GNPNAT1: variants seen among roughly 807,000 people sequenced by gnomAD.
GNPNAT1 encodes glucosamine 6-phosphate N-acetyltransferase.
Under a neutral mutation model 19.8 loss-of-function variants are expected in GNPNAT1, and 11 were observed. That is an observed-to-expected ratio of 0.56 (90% CI 0.35 to 0.92). GNPNAT1 has a LOEUF of 0.92. Among genes scored for constraint, GNPNAT1 ranks in the 40% least tolerant of loss-of-function variants. GNPNAT1 has a pLI of 0.01. For missense variants in GNPNAT1, 157 were observed against 211.0 expected (o/e 0.74, Z 1.59); for synonymous variants, 71 against 72.3 (o/e 0.98, Z 0.09).
intron 1 of GNPNAT1, among the ~76,000 whole-genome samples, chr14:52,786,379 C>G (rs146573910): frequency 0.011 from 1,629 of 151,984 alleles, 23 homozygotes; most frequent in African/African-American, 0.038. Context: ...TGGTGGCCAC[C>G]TGTAATCCCA....
At chr14:52,779,742 A>AAC (rs903790473) in intron 5 of GNPNAT1, among the ~76,000 whole-genome samples, 5 of 150,846 alleles carry the variant, frequency 3.3e-5, no homozygotes, top group African/African-American at 7.3e-5. Context: ...AAAAAAAAAA[A>AAC]AAAAAAAACA....
chr14:52,790,669 ACAT>A lies in GNPNAT1; in HGVS notation c.-15+756_-15+758del, dbSNP rs1184993859. On this transcript the variant is annotated intron_variant, in intron 1 of 5. Coordinates refer to ENST00000216410, the MANE Select transcript of GNPNAT1 (RefSeq NM_198066.4). ...CCATCCTCAACAGACCCCAATCTTT[ACAT>A]CATCATACCATACAGCTAGCGCTCT... Among the ~76,000 whole-genome samples, 3 of 152,260 alleles carry A rather than the reference ACAT, an allele frequency of 2.0e-5. No homozygotes were observed. The East Asian group carries it at 5.8e-4, about 29-fold the overall frequency.
chr14:52,790,144 G>C (rs1883132895), intron 1 of GNPNAT1, among the ~76,000 whole-genome samples: 1 of 152,182 alleles, frequency 6.6e-6, no homozygotes, highest in Non-Finnish European at 1.5e-5. Context: ...CTGAGCCTCT[G>C]TATCAGGTTG....
chr14:52,785,833 C>T (rs1420580111), intron 1 of GNPNAT1, among the ~76,000 whole-genome samples: 10 of 150,182 alleles, frequency 6.7e-5, no homozygotes, highest in South Asian at 2.1e-4. Context: ...CCACAACCTC[C>T]GCCTCCCAGG....
intron 1 of GNPNAT1, among the ~76,000 whole-genome samples, chr14:52,786,485 CAA>C (rs1185503451): frequency 2.0e-5 from 3 of 151,954 alleles, no homozygotes; most frequent in Non-Finnish European, 4.4e-5. Flanking sequence ...GCCTGGGCAA[CAA>C]GAGTGAAACT....
rs1404784313 is a variant in GNPNAT1 at position 52,777,004 on chromosome 14, A to C, written c.*1307T>G. The C allele has an allele frequency of 1.3e-5, 2 of 152,258 alleles. No homozygotes were observed. The highest frequency in any genetic ancestry group is 4.8e-5 in the African/African-American group (2 of 41,476). 9.4% of individuals were successfully genotyped at this position (152,258 alleles called of 1,614,324 possible). ...ACAGATCAGTTCGTCTGTATAGGCT[A>C]TAAGCAGGTAAGTAGTGCACTCTAT... On this transcript the variant is annotated 3_prime_UTR_variant, in exon 6 of 6. Transcript: ENST00000216410.
intron 1 of GNPNAT1, among the ~76,000 whole-genome samples, chr14:52,790,855 G>T (rs1883154861): frequency 6.6e-6 from 1 of 152,086 alleles, no homozygotes; most frequent in African/African-American, 2.4e-5. Flanking sequence ...ATCAGCTCCC[G>T]CAACAGAAAT....
At chr14:52,790,471 T>A (rs1222812795) in intron 1 of GNPNAT1, among the ~76,000 whole-genome samples, 2 of 152,228 alleles carry the variant, frequency 1.3e-5, no homozygotes, top group East Asian at 3.8e-4. Flanking sequence ...TGTAACTGCA[T>A]GAATGTTCAA....
At position 52,777,039 on chromosome 14, in the gene GNPNAT1, A is replaced by C. The variant is rs1882749674; in HGVS notation, c.*1272T>G. On this transcript the variant is annotated 3_prime_UTR_variant, in exon 6 of 6. Transcript: ENST00000216410. ...AAGTAGTGCACTCTATTGGTGAAGG[A>C]TTTCTGTTGTTTTGGAAAGCCAACT... is the stretch of plus-strand genomic sequence containing the variant. 1 of 152,226 alleles carries C rather than the reference A, an allele frequency of 6.6e-6. No homozygotes were observed. The highest frequency in any genetic ancestry group is 1.5e-5 in the Non-Finnish European group (1 of 68,048). 9.4% of individuals were successfully genotyped at this position (152,226 alleles called of 1,614,324 possible). A position where few individuals can be genotyped will look rare whatever the true frequency, so the allele number is the denominator to read the frequency against.
chr14:52,783,278 T>G, intron 3 of GNPNAT1, 145 bp downstream of exon 3: 1 of 566,922 alleles, frequency 1.8e-6, no homozygotes, highest in South Asian at 2.8e-5. Flanking sequence ...CTCAGCCACA[T>G]TAAACATTTG....
intron 1 of GNPNAT1, among the ~76,000 whole-genome samples, chr14:52,789,904 C>T (rs1216555656): frequency 1.3e-5 from 2 of 149,830 alleles, no homozygotes; most frequent in Non-Finnish European, 2.9e-5. Flanking sequence ...CCGTTTAAGC[C>T]TAACCCTAGC....
In GNPNAT1 at chr14:52,776,729, T is replaced by C. The variant is rs1882734447; in HGVS notation, c.*1582A>G. 1 of 151,750 alleles carries C rather than the reference T, an allele frequency of 6.6e-6. No homozygotes were observed. Among genetic ancestry groups the C allele is most frequent in the African/African-American group, 2.4e-5 (1 of 41,300 alleles). 9.4% of individuals were successfully genotyped at this position (151,750 alleles called of 1,614,324 possible). A position where few individuals can be genotyped will look rare whatever the true frequency, so the allele number is the denominator to read the frequency against. ...TGCCACCACGTCTGGCTAATTTTTC[T>C]TTTTTTTAGTAGAGACAGGGTTTCA... On this transcript the variant is annotated 3_prime_UTR_variant, in exon 6 of 6. Coordinates refer to ENST00000216410, the MANE Select transcript of GNPNAT1 (RefSeq NM_198066.4).
intron 2 of GNPNAT1, 63 bp downstream of exon 2, chr14:52,784,434 A>C: frequency 1.5e-6 from 2 of 1,300,628 alleles, no homozygotes; most frequent in Non-Finnish European, 2.1e-6. Context: ...AATTATCTGC[A>C]TCATAATGTT....
At chr14:52,788,378 C>T (rs1883073125) in intron 1 of GNPNAT1, among the ~76,000 whole-genome samples, 2 of 152,210 alleles carry the variant, frequency 1.3e-5, no homozygotes, top group South Asian at 4.1e-4. Flanking sequence ...AAGTGATCCT[C>T]CAGCCTCAGC....
At chr14:52,783,318 A>G (rs1159190132) in intron 3 of GNPNAT1, 105 bp downstream of exon 3, 1 of 689,012 alleles carries the variant, frequency 1.5e-6, no homozygotes, top group African/African-American at 1.8e-5. Context: ...TCTTTGAATA[A>G]TTTCCAGCTA....
Position 52,775,883 on chromosome 14 carries a change from T to C in GNPNAT1, c.*2428A>G, listed in dbSNP as rs1882697910. Reference sequence around the variant, plus strand: ...GGGTGATGGAGTGGGACAGTGTCTCTTTAAAAAATGTGGGCCAGGTGCAGT... The same window carrying C: ...GGGTGATGGAGTGGGACAGTGTCTCCTTAAAAAATGTGGGCCAGGTGCAGT... On this transcript the variant is annotated 3_prime_UTR_variant, in exon 6 of 6. Transcript: ENST00000216410. 1 of 152,050 alleles carries C rather than the reference T, an allele frequency of 6.6e-6. No individual in the cohort carries two copies. Among genetic ancestry groups the C allele is most frequent in the Non-Finnish European group, 1.5e-5 (1 of 68,130 alleles). The allele number at this position is 152,050 out of a possible 1,614,324, so 9.4% of individuals were successfully genotyped here.
At chr14:52,782,321 G>T (rs1882913026) in intron 3 of GNPNAT1, among the ~76,000 whole-genome samples, 1 of 151,984 alleles carries the variant, frequency 6.6e-6, no homozygotes, top group Admixed American at 6.6e-5. Context: ...TGTTTACATG[G>T]CTCAATTCTA....
intron 4 of GNPNAT1, among the ~76,000 whole-genome samples, chr14:52,781,416 A>G (rs1413056645): frequency 2.0e-5 from 3 of 152,172 alleles, no homozygotes; most frequent in Non-Finnish European, 4.4e-5. Context: ...AAAGGGCACT[A>G]CATGCATTAG....
At chr14:52,778,589 C>T in intron 5 of GNPNAT1, 131 bp from the exon 6 acceptor site, 2 of 727,476 alleles carry the variant, frequency 2.7e-6, no homozygotes, top group Non-Finnish European at 4.4e-6. Context: ...GCTTTTCCCA[C>T]TGCATTCATG....
Sources: allele counts gnomAD v4.1 joint callset (sites outside exome capture counted in the v4.1 genomes callset), GRCh38; gene constraint gnomAD v4.1.1; transcripts MANE v1.5; gene names NCBI Gene and HGNC (gene_info 2026-07-23, HGNC 2026-07-21).